TMEM182: variants seen among roughly 807,000 people sequenced by gnomAD.
TMEM182 encodes the protein transmembrane protein 182.
A neutral mutation model predicts 26.8 loss-of-function variants in TMEM182; 20 were observed. That is an observed-to-expected ratio of 0.75 (90% CI 0.53 to 1.09). TMEM182 has a LOEUF of 1.09. TMEM182 is among the 50% of genes least tolerant of loss of function. The pLI, the probability that TMEM182 is intolerant of heterozygous loss-of-function variation, is 0.00. For missense variants in TMEM182, 277 were observed against 275.5 expected (o/e 1.01, Z -0.04); for synonymous variants, 109 against 102.2 (o/e 1.07, Z -0.40).
intron 3 of TMEM182, among the ~76,000 whole-genome samples, chr2:102,833,266 T>C (rs1683183397): frequency 6.6e-6 from 1 of 152,086 alleles, no homozygotes; most frequent in Non-Finnish European, 1.5e-5. Context: ...ATAGATAGAC[T>C]TTTTGCAGGA....
rs1680257489 is a variant in TMEM182, at chr2:102,762,584, C to T, written c.133-3C>T. 1 of 1,612,528 alleles carries T rather than the reference C, an allele frequency of 6.2e-7. No individual in the cohort carries two copies. The highest frequency in any genetic ancestry group is 1.3e-5 in the African/African-American group (1 of 74,922). On this transcript the variant is annotated splice_region_variant and splice_polypyrimidine_tract_variant and intron_variant, in intron 1 of 4. Coordinates refer to ENST00000412401, the MANE Select transcript of TMEM182 (RefSeq NM_144632.5). The stretch of plus-strand genomic sequence containing the variant: ...GCAAGTTACTTCATTTTGTTCTGTG[C>T]AGATAGAGAACGTCACTTTTCACCA...
At chr2:102,763,632 G>T (rs974364753) in intron 2 of TMEM182, among the ~76,000 whole-genome samples, 1 of 152,158 alleles carries the variant, frequency 6.6e-6, no homozygotes, top group Non-Finnish European at 1.5e-5. Flanking sequence ...AGTGGATTTG[G>T]GGGCAGGAGA....
Position 102,762,129 on chromosome 2 carries a change from T to A in TMEM182, c.-89T>A. 1 of 1,061,826 alleles carries A rather than the reference T, an allele frequency of 9.4e-7. No individual in the cohort carries two copies. Among genetic ancestry groups the A allele is most frequent in the Non-Finnish European group, 1.3e-6 (1 of 747,428 alleles). The allele number at this position is 1,061,826 out of a possible 1,614,324, so 65.8% of individuals were successfully genotyped here. A position where few individuals can be genotyped will look rare whatever the true frequency, so the allele number is the denominator to read the frequency against. On this transcript the variant is annotated 5_prime_UTR_variant, in exon 1 of 5. Coordinates refer to ENST00000412401, the MANE Select transcript of TMEM182 (RefSeq NM_144632.5). Reference sequence around the variant, plus strand: ...CAACTCAAAAATATTATTCTTTTTTTTTTTTTTTTGCTGTTGTTTCTGAGA... The same window carrying A: ...CAACTCAAAAATATTATTCTTTTTTATTTTTTTTTGCTGTTGTTTCTGAGA...
At chr2:102,770,507 C>A (rs1680629693) in intron 3 of TMEM182, among the ~76,000 whole-genome samples, 1 of 152,194 alleles carries the variant, frequency 6.6e-6, no homozygotes, top group African/African-American at 2.4e-5. Context: ...CACTTCCTCC[C>A]TCAGGGATCC....
intron 4 of TMEM182, among the ~76,000 whole-genome samples, chr2:102,804,913 TG>T (rs1235497352): frequency 6.6e-6 from 1 of 152,216 alleles, no homozygotes; most frequent in East Asian, 1.9e-4. Context: ...GTACCTGCTT[TG>T]TAGACTCGCT....
intron 1 of TMEM182, among the ~76,000 whole-genome samples, chr2:102,741,685 C>A (rs1679549150): frequency 6.6e-6 from 1 of 152,136 alleles, no homozygotes. Flanking sequence ...GATTATAGAA[C>A]CTTTCCCCTA....
At chr2:102,755,843 C>T (rs1680015406) in intron 1 of TMEM182, among the ~76,000 whole-genome samples, 1 of 152,126 alleles carries the variant, frequency 6.6e-6, no homozygotes, top group South Asian at 2.1e-4. Context: ...CATTTATTGA[C>T]TCAATTTGTT....
chr2:102,815,186 A>G lies in TMEM182; in HGVS notation c.*218A>G, dbSNP rs927507532. ...CTTGTCTAAGTGCTGTCAAGGACCT[A>G]GTTCTTTAGGGAATAGGTAAACAGG... is the stretch of plus-strand genomic sequence containing the variant. On this transcript the variant is annotated 3_prime_UTR_variant, in exon 5 of 5. Transcript: ENST00000412401. 1.5e-6 allele frequency: 2 copies of G among 1,367,034 alleles called. No homozygotes were observed. Among genetic ancestry groups the G allele is most frequent in the Non-Finnish European group, 1.9e-6 (2 of 1,062,868 alleles). 84.7% of individuals were successfully genotyped at this position (1,367,034 alleles called of 1,614,324 possible). A position where few individuals can be genotyped will look rare whatever the true frequency, so the allele number is the denominator to read the frequency against.
intron 3 of TMEM182, among the ~76,000 whole-genome samples, chr2:102,838,616 T>G (rs949836152): frequency 1.3e-5 from 2 of 152,176 alleles, no homozygotes. Context: ...AGTAACAACC[T>G]GAAGAATCAA....
In TMEM182 at chr2:102,762,673, G is replaced by T; in HGVS notation, c.219G>T (p.Trp73Cys). The T allele has an allele frequency of 3.1e-6, 5 of 1,613,544 alleles. No individual in the cohort carries two copies. Among genetic ancestry groups the T allele is most frequent in the Non-Finnish European group, 4.2e-6 (5 of 1,179,670 alleles). The stretch of plus-strand genomic sequence containing the variant: ...TGGAAGAGAATGACTCCAATATTTG[G>T]AAGTTCTGGTACAGTAAGTACAATT... ...GIVEENDSNI[W>C]KFWYTNQPPS... Residue 73 changes from tryptophan to cysteine, a missense_variant, in exon 2 of 5, where the codon TGG (tryptophan) becomes TGT (cysteine). By Grantham distance (215) the Trp-to-Cys change is radical (BLOSUM62 -2). Coordinates refer to ENST00000412401, the MANE Select transcript of TMEM182 (RefSeq NM_144632.5).
intron 4 of TMEM182, among the ~76,000 whole-genome samples, chr2:102,805,034 T>G (rs1682292448): frequency 6.6e-6 from 1 of 152,228 alleles, no homozygotes; most frequent in Admixed American, 6.5e-5. Context: ...ATGTGGATTT[T>G]CCAACGTCCT....
intron 3 of TMEM182, among the ~76,000 whole-genome samples, chr2:102,787,372 A>G (rs1407287618): frequency 6.6e-6 from 1 of 152,224 alleles, no homozygotes; most frequent in East Asian, 1.9e-4. Context: ...GCTGGCAGAA[A>G]GAGAATGAAC....
chr2:102,810,052 T>G (rs1185696887), intron 4 of TMEM182, among the ~76,000 whole-genome samples: 1 of 152,142 alleles, frequency 6.6e-6, no homozygotes, highest in Non-Finnish European at 1.5e-5. Flanking sequence ...GAAAGCCCAT[T>G]TAAAGGCAGT....
chr2:102,798,610 G>T (rs1367985726), intron 4 of TMEM182, among the ~76,000 whole-genome samples: 1 of 152,046 alleles, frequency 6.6e-6, no homozygotes. Context: ...AGGCTAAGGT[G>T]GGTGCATCAC....
chr2:102,838,344 G>A (rs1683285048), intron 3 of TMEM182, among the ~76,000 whole-genome samples: 1 of 152,146 alleles, frequency 6.6e-6, no homozygotes, highest in Admixed American at 6.5e-5. Flanking sequence ...CCTCTTAAGG[G>A]CTCCTATTTT....
chr2:102,743,308 G>C (rs1679595100), intron 1 of TMEM182, among the ~76,000 whole-genome samples: 1 of 152,128 alleles, frequency 6.6e-6, no homozygotes, highest in Non-Finnish European at 1.5e-5. Context: ...AAAGAAAAGA[G>C]AGAAAGTAAG....
At chr2:102,840,549 T>C (rs1417929993) in intron 3 of TMEM182, among the ~76,000 whole-genome samples, 1 of 152,042 alleles carries the variant, frequency 6.6e-6, no homozygotes, top group Non-Finnish European at 1.5e-5. Context: ...GGGGGTGAGG[T>C]AGCGTGAGTT....
intron 4 of TMEM182, among the ~76,000 whole-genome samples, chr2:102,802,211 G>C (rs1682172182): frequency 6.6e-6 from 1 of 152,220 alleles, no homozygotes; most frequent in Non-Finnish European, 1.5e-5. Flanking sequence ...GTGCACATAG[G>C]AAGACTCTTT....
chr2:102,787,431 A>G (rs1681444307), intron 3 of TMEM182, among the ~76,000 whole-genome samples: 2 of 152,032 alleles, frequency 1.3e-5, no homozygotes, highest in Admixed American at 6.6e-5. Flanking sequence ...TGAGGACCCT[A>G]CTCTCATAAC....
Sources: gnomAD v4.1 joint callset for allele counts (sites outside exome capture counted in the v4.1 genomes callset) on GRCh38, gnomAD v4.1.1 for gene constraint, MANE v1.5 for transcripts, NCBI Gene and HGNC (gene_info 2026-07-23, HGNC 2026-07-21) for gene names.